The following EP400 variants were observed in gnomAD, a reference collection of about 807,000 sequenced individuals.
EP400 encodes E1A binding protein p400, also known as E1A-binding protein p400.
A neutral mutation model predicts 354.1 loss-of-function variants in EP400; 105 were observed. That is an observed-to-expected ratio of 0.30 (90% CI 0.25 to 0.35). EP400 has a LOEUF of 0.35. EP400 is among the 10% of genes least tolerant of loss of function. EP400 has a pLI of 1.00. For synonymous variants in EP400, 1,646 were observed against 1,716.9 expected (o/e 0.96, Z 1.02); for missense variants, 3,280 against 4,121.0 (o/e 0.80, Z 5.59).
intron 12 of EP400, 61 bp from the exon 13 acceptor site, chr12:132,005,016 C>G (rs1209390475): frequency 2.2e-6 from 3 of 1,345,238 alleles, no homozygotes; most frequent in African/African-American, 1.5e-5. Context: ...CTGCTCCTTC[C>G]CAATTTAAAT....
Position 132,021,100 on chromosome 12 carries a change from C to A in EP400, c.4469C>A (p.Thr1490Asn), listed in dbSNP as rs780386641. ...GCAGCAGCAGCAGCCCCGTTTCAGACCTCTCAGGCTTCCGCCAGTGCTCCA... is the reference window on the plus strand; with the variant it reads ...GCAGCAGCAGCAGCCCCGTTTCAGAACTCTCAGGCTTCCGCCAGTGCTCCA... ...EAKAAAAPFQ[T>N]SQASASAPRH... is the part of the protein sequence containing the mutation. The change falls in exon 23 of 53, where the codon ACC (threonine) becomes AAC (asparagine). Residue 1490 changes from threonine (T) to asparagine (N), a missense_variant. Around this residue, in one of 20 missense-constraint regions of EP400, gnomAD observed 342 missense variants for 342.7 expected, o/e 1.00. Coordinates refer to ENST00000389561, the MANE Select transcript of EP400 (RefSeq NM_015409.5). 9 of 1,599,594 alleles carry A rather than the reference C, an allele frequency of 5.6e-6. No individual in the cohort carries two copies. The South Asian group carries it at 7.7e-5, about 14-fold the overall frequency.
chr12:132,047,567 T>C (rs1895148808), intron 39 of EP400, among the ~76,000 whole-genome samples: 1 of 152,046 alleles, frequency 6.6e-6, no homozygotes, highest in Admixed American at 6.6e-5. Flanking sequence ...AGGGAGTGTA[T>C]GAATAGGGTG....
chr12:132,020,519 AGGAGACTCCT>A (rs1894090731), intron 22 of EP400, among the ~76,000 whole-genome samples: 1 of 152,276 alleles, frequency 6.6e-6, no homozygotes. Flanking sequence ...GCAGTCGTCT[AGGAGACTCCT>A]GAGAACGTCT....
chr12:132,013,738 A>G lies in EP400; in HGVS notation c.3787-39A>G. 1.2e-6 allele frequency: 2 copies of G among 1,610,974 alleles called. No individual in the cohort carries two copies. Among genetic ancestry groups the G allele is most frequent in the African/African-American group, 1.3e-5 (1 of 74,790 alleles). ...CTTGTTATAAACGTGTTACAGCAGC[A>G]TTTTTGGAAAGAAAACAGTAAACAG... On this transcript the variant is annotated intron_variant, in intron 18 of 52. Transcript: ENST00000389561. The surrounding 1 kb of genome is among the most constrained non-coding windows in gnomAD (Gnocchi z 4.5).
At chr12:132,028,667 G>A (rs539249855) in intron 27 of EP400, among the ~76,000 whole-genome samples, 2 of 152,370 alleles carry the variant, frequency 1.3e-5, no homozygotes, top group African/African-American at 4.8e-5. Context: ...AATGTGGGCA[G>A]GAGTTGATCT....
rs533098401 is a variant in EP400 at position 131,966,926 on chromosome 12, C to G, written c.1335+4972C>G. 9.6e-3 allele frequency among the ~76,000 whole-genome samples: 1,040 copies of G among 108,784 alleles called. 33 individuals are homozygous for G. In the South Asian group the frequency reaches 0.11, roughly 12 times the overall value. The allele number at this position is 108,784 out of a possible 152,430, so 71.4% of individuals were successfully genotyped here. On this transcript the variant is annotated intron_variant, in intron 2 of 52. Transcript: ENST00000389561. Reference sequence around the variant, plus strand: ...CTCAAAAAAAAAAAAAAAAAAAAAACCTATGTGTAGTGATACACACCTGTA... The same window carrying G: ...CTCAAAAAAAAAAAAAAAAAAAAAAGCTATGTGTAGTGATACACACCTGTA...
intron 23 of EP400, among the ~76,000 whole-genome samples, chr12:132,022,591 T>G (rs1349795603): frequency 1.3e-5 from 2 of 152,196 alleles, no homozygotes; most frequent in East Asian, 3.8e-4. Flanking sequence ...CCTTTTTGAG[T>G]TGGGGGCAAA....
Position 132,067,582 on chromosome 12 carries a change from G to A in EP400, c.8874+96G>A, listed in dbSNP as rs1004836152. The A allele has an allele frequency of 1.6e-5, 24 of 1,506,906 alleles. No individual in the cohort carries two copies. Among genetic ancestry groups the A allele is most frequent in the Middle Eastern group, 2.4e-4 (1 of 4,102 alleles). 93.3% of individuals were successfully genotyped at this position (1,506,906 alleles called of 1,614,324 possible). ...CTAAGCAGACAAATCCCCATGTGGC[G>A]GCTCACGCTTTTCAGAGGGTGGCTT... On this transcript the variant is annotated intron_variant, in intron 50 of 52. Coordinates refer to ENST00000389561, the MANE Select transcript of EP400 (RefSeq NM_015409.5). This position sits in a 1 kb window ranked among gnomAD's most constrained non-coding sequence, Gnocchi z 5.3.
chr12:132,032,014 G>T lies in EP400; in HGVS notation c.5816G>T (p.Ser1939Ile). 1 of 1,614,170 alleles carries T rather than the reference G, an allele frequency of 6.2e-7. No homozygotes were observed. The highest frequency in any genetic ancestry group is 8.5e-7 in the Non-Finnish European group (1 of 1,180,030). Residue 1939 changes from serine to isoleucine, a missense_variant, in exon 30 of 53, where the codon AGC (serine) becomes ATC (isoleucine). Physicochemically the swap from Ser to Ile is moderately radical, Grantham distance 142. Around this residue, in one of 20 missense-constraint regions of EP400, gnomAD observed 459 missense variants for 496.9 expected, o/e 0.92. Coordinates refer to ENST00000389561, the MANE Select transcript of EP400 (RefSeq NM_015409.5). ...TTTTGTGCCATTCTCTCCACTCACA[G>T]CCGTACCACAGGTATAAACCTTGTA... is the stretch of plus-strand genomic sequence containing the variant. ...RIFCAILSTH[S>I]RTTGINLVEA...
intron 32 of EP400, 136 bp from the exon 33 acceptor site, chr12:132,043,168 A>G: frequency 1.2e-6 from 1 of 867,908 alleles, no homozygotes. Flanking sequence ...ACCTCAGGGA[A>G]GGAGTGGATT....
Position 132,050,292 on chromosome 12 carries a change from T to A in EP400, c.7201-31T>A. 6.2e-7 allele frequency: 1 copy of A among 1,613,300 alleles called. No homozygotes were observed. The highest frequency in any genetic ancestry group is 1.3e-5 in the African/African-American group (1 of 75,028). On this transcript the variant is annotated intron_variant, in intron 39 of 52. Coordinates refer to ENST00000389561, the MANE Select transcript of EP400 (RefSeq NM_015409.5). The surrounding 1 kb of genome is among the most constrained non-coding windows in gnomAD (Gnocchi z 4.8). ...GCAGCCGTCTGTCCATGCTGCCTAA[T>A]TCAGATGCACTCTCGTCAATTTCAT...
Position 132,043,316 on chromosome 12 carries a change from A to C in EP400, c.6220A>C (p.Ile2074Leu). 6.2e-7 allele frequency: 1 copy of C among 1,612,086 alleles called. No individual in the cohort carries two copies. The highest frequency in any genetic ancestry group is 8.5e-7 in the Non-Finnish European group (1 of 1,179,504). Reference protein sequence around the residue: ...ARPFIEALKSIEYLEEDAQKS... With the variant: ...ARPFIEALKSLEYLEEDAQKS... ...AGACTTTCCTCAGGCCCTCAAGAGTATTGAGTATCTGGAGGAGGATGCCCA... is the reference window on the plus strand; with the variant it reads ...AGACTTTCCTCAGGCCCTCAAGAGTCTTGAGTATCTGGAGGAGGATGCCCA... Residue 2074 changes from isoleucine to leucine, a missense_variant, in exon 33 of 53, where the codon ATT becomes CTT. By Grantham distance (5) the Ile-to-Leu change is conservative. This residue lies in a region of EP400 where 60 missense variants were observed against 109.9 expected (regional missense o/e 0.55). Coordinates refer to ENST00000389561, the MANE Select transcript of EP400 (RefSeq NM_015409.5).
intron 12 of EP400, among the ~76,000 whole-genome samples, chr12:132,002,718 A>C (rs1323459609): frequency 6.6e-6 from 1 of 152,224 alleles, no homozygotes; most frequent in Non-Finnish European, 1.5e-5. Context: ...GAGTCTTGGA[A>C]GTCACCTACG....
intron 32 of EP400, 21 bp from the exon 33 acceptor site, chr12:132,043,283 C>G: frequency 6.3e-7 from 1 of 1,595,608 alleles, no homozygotes; most frequent in Non-Finnish European, 8.5e-7. Context: ...TCAAGGCAAT[C>G]TAAACATAGA....
chr12:132,045,620 C>T (rs1409986140), intron 38 of EP400, 60 bp downstream of exon 38: 25 of 1,605,278 alleles, frequency 1.6e-5, no homozygotes, highest in Middle Eastern at 1.7e-4. Context: ...AACGCACGTC[C>T]GTGCATCCAG....
rs958681751 is a variant in EP400 at position 132,052,964 on chromosome 12, G to C, written c.7395-182G>C. On this transcript the variant is annotated intron_variant, in intron 41 of 52. Coordinates refer to ENST00000389561, the MANE Select transcript of EP400 (RefSeq NM_015409.5). The surrounding 1 kb of genome is among the most constrained non-coding windows in gnomAD (Gnocchi z 4.4). The stretch of plus-strand genomic sequence containing the variant: ...CTCAAGGAAGAGGACTCAGCGCCAG[G>C]CTGAGGATGAGGTCTAGGTGGCTCG... 6.6e-6 allele frequency among the ~76,000 whole-genome samples: 1 copy of C among 152,086 alleles called. No individual in the cohort carries two copies. Among genetic ancestry groups the C allele is most frequent in the Non-Finnish European group, 1.5e-5 (1 of 68,002 alleles).
intron 2 of EP400, among the ~76,000 whole-genome samples, chr12:131,975,466 C>T (rs1361708626): frequency 6.6e-6 from 1 of 152,160 alleles, no homozygotes; most frequent in African/African-American, 2.4e-5. Context: ...TGTCCTGGTT[C>T]CTGGAGTCTT....
intron 51 of EP400, among the ~76,000 whole-genome samples, chr12:132,073,456 T>C (rs1424884261): frequency 7.4e-6 from 1 of 135,102 alleles, no homozygotes; most frequent in African/African-American, 3.6e-5. Flanking sequence ...TCTGTCCCTT[T>C]TCCTTTTTTT....
At chr12:132,036,442 C>T (rs1175263981) in intron 30 of EP400, among the ~76,000 whole-genome samples, 1 of 148,800 alleles carries the variant, frequency 6.7e-6, no homozygotes, top group African/African-American at 2.5e-5. Context: ...CATCATGGAA[C>T]AACACACCCA....
Sources: allele counts gnomAD v4.1 joint callset (sites outside exome capture counted in the v4.1 genomes callset), GRCh38; gene constraint gnomAD v4.1.1; regional missense constraint gnomAD v4.1.1; non-coding constraint Gnocchi (gnomAD v3.1); transcripts MANE v1.5; gene names NCBI Gene and HGNC (gene_info 2026-07-23, HGNC 2026-07-21).